The following EPHB1 variants were observed in gnomAD, a reference collection of about 807,000 sequenced individuals.
The protein encoded by EPHB1 is EPH receptor B1.
EPHB1 carries 30 observed loss-of-function variants against 94.4 expected under a neutral mutation model. That is an observed-to-expected ratio of 0.32 (90% CI 0.24 to 0.43). The LOEUF (loss-of-function observed/expected upper bound fraction) is 0.43. Among genes scored for constraint, EPHB1 ranks in the 20% least tolerant of loss-of-function variants. EPHB1 has a pLI of 1.00. For synonymous variants in EPHB1, 522 were observed against 489.1 expected, an observed-to-expected ratio of 1.07 and a Z score of -0.89; for missense variants, 1,055 against 1,308.3, an observed-to-expected ratio of 0.81 and a Z score of 2.99.
rs188301034 is a variant in EPHB1 at position 134,917,452 on chromosome 3, T to C, written c.59-8364T>C. 4.0e-3 allele frequency among the ~76,000 whole-genome samples: 605 copies of C among 152,346 alleles called. 4 individuals are homozygous for C. Among genetic ancestry groups the C allele is most frequent in the African/African-American group, 0.014 (585 of 41,574 alleles). On this transcript the variant is annotated intron_variant, in intron 1 of 15. Transcript: ENST00000398015. ...GGCCTTCCCACTTTTTCATGGGCTA[T>C]GCCACGTGTGAACCAAGACCTAATC...
chr3:134,986,629 G>T (rs1456171148), intron 3 of EPHB1, among the ~76,000 whole-genome samples: 1 of 151,876 alleles, frequency 6.6e-6, no homozygotes. Flanking sequence ...CCTTAGTCTA[G>T]CCTGTGTTCT....
At chr3:135,066,695 A>G (rs1046693942) in intron 3 of EPHB1, among the ~76,000 whole-genome samples, 1 of 152,048 alleles carries the variant, frequency 6.6e-6, no homozygotes, top group African/African-American at 2.4e-5. Flanking sequence ...ATTCTTTTTC[A>G]GGTAAATCAG....
intron 3 of EPHB1, among the ~76,000 whole-genome samples, chr3:135,012,469 A>T (rs568296896): frequency 6.6e-6 from 1 of 152,374 alleles, no homozygotes; most frequent in South Asian, 2.1e-4. Flanking sequence ...TGGAATGTTC[A>T]TGAAGGTGTG....
chr3:134,867,012 T>C (rs1409483232), intron 1 of EPHB1, among the ~76,000 whole-genome samples: 2 of 152,180 alleles, frequency 1.3e-5, no homozygotes, highest in Non-Finnish European at 2.9e-5. Context: ...GCCCATCGTG[T>C]CACTAGATAC....
At chr3:135,251,871 G>A (rs1444370341) in intron 15 of EPHB1, among the ~76,000 whole-genome samples, 3 of 152,182 alleles carry the variant, frequency 2.0e-5, no homozygotes, top group African/African-American at 7.2e-5. Context: ...AATACAGTCA[G>A]GACCTTGGAA....
intron 1 of EPHB1, chr3:134,823,810 A>T (rs1457764693): frequency 6.6e-6 from 1 of 152,256 alleles, no homozygotes; most frequent in African/African-American, 2.4e-5. Flanking sequence ...GAAGTCTATG[A>T]TAGCATCAGT....
chr3:135,114,185 A>C (rs905028444), intron 4 of EPHB1, among the ~76,000 whole-genome samples: 7 of 152,194 alleles, frequency 4.6e-5, no homozygotes, highest in Non-Finnish European at 7.3e-5. Flanking sequence ...TTTCACGTAC[A>C]GATCATTTTA....
chr3:135,155,787 C>CAAAAAA (rs35095229), intron 6 of EPHB1, among the ~76,000 whole-genome samples: 3 of 59,470 alleles, frequency 5.0e-5, no homozygotes, highest in African/African-American at 6.3e-5. Context: ...AAGACTTTGT[C>CAAAAAA]AAAAAAAAAA....
rs1290844616 is a variant in EPHB1 at position 135,260,152 on chromosome 3, A to T, written c.*1032A>T. ...TACTGACTGATTAATTATTCCTGAT[A>T]ACATCTCAAGAAAAGGAGAAGGAAA... On this transcript the variant is annotated 3_prime_UTR_variant, in exon 16 of 16. Transcript: ENST00000398015. 4 of 233,112 alleles carry T rather than the reference A, an allele frequency of 1.7e-5. No homozygotes were observed. The highest frequency in any genetic ancestry group is 6.6e-5 in the African/African-American group (3 of 45,332). The allele number at this position is 233,112 out of a possible 1,614,324, so 14.4% of individuals were successfully genotyped here.
chr3:135,099,736 T>A (rs979625280), intron 3 of EPHB1, among the ~76,000 whole-genome samples: 3 of 152,230 alleles, frequency 2.0e-5, no homozygotes, highest in Non-Finnish European at 4.4e-5. Context: ...TATGCAGAGC[T>A]GTTTGCATGA....
intron 6 of EPHB1, among the ~76,000 whole-genome samples, chr3:135,159,781 A>T (rs922302163): frequency 1.3e-5 from 2 of 152,192 alleles, no homozygotes; most frequent in Admixed American, 6.5e-5. Flanking sequence ...TGTGTGTTTG[A>T]GCTGACCTGG....
Position 135,053,666 on chromosome 3 carries a change from G to A in EPHB1, c.806-52782G>A, listed in dbSNP as rs546538759. On this transcript the variant is annotated intron_variant, in intron 3 of 15. Coordinates refer to ENST00000398015, the MANE Select transcript of EPHB1 (RefSeq NM_004441.5). ...TGTTGATGAAAATATAGTGGCAAGT[G>A]AAGAGATGCTATATGAAGATGGTCA... 3.9e-5 allele frequency among the ~76,000 whole-genome samples: 6 copies of A among 152,296 alleles called. No individual in the cohort carries two copies. In the South Asian group the frequency reaches 1.0e-3, roughly 26 times the overall value.
At chr3:135,240,956 T>C (rs1943768286) in intron 12 of EPHB1, among the ~76,000 whole-genome samples, 192 bp from the exon 13 acceptor site, 1 of 152,026 alleles carries the variant, frequency 6.6e-6, no homozygotes, top group Admixed American at 6.5e-5. Flanking sequence ...AGCACAGGCA[T>C]GCTGGTCACC....
At chr3:134,959,423 G>A (rs1933416271) in intron 3 of EPHB1, among the ~76,000 whole-genome samples, 1 of 152,162 alleles carries the variant, frequency 6.6e-6, no homozygotes, top group African/African-American at 2.4e-5. Context: ...ACTGGCTTTT[G>A]CTAAAAATAA....
intron 4 of EPHB1, among the ~76,000 whole-genome samples, chr3:135,126,508 A>T (rs568806603): frequency 1.5e-4 from 23 of 152,320 alleles, no homozygotes; most frequent in Non-Finnish European, 2.2e-4. Context: ...AGATACAGGT[A>T]CAGACAGAAG....
chr3:135,169,984 G>A (rs781099941), intron 9 of EPHB1, among the ~76,000 whole-genome samples: 2 of 152,216 alleles, frequency 1.3e-5, no homozygotes, highest in Admixed American at 1.3e-4. Context: ...GATTGATAAT[G>A]TCTGATCCGA....
chr3:135,233,139 G>A lies in EPHB1; in HGVS notation c.2347-8009G>A, dbSNP rs138880341. Among the ~76,000 whole-genome samples, 21 of 152,244 alleles carry A rather than the reference G, an allele frequency of 1.4e-4. No homozygotes were observed. In the East Asian group the frequency reaches 2.1e-3, roughly 15 times the overall value. ...CGGCAGTCCCCCAAAATCTTAACTC[G>A]TTCCAGCATTAACCCAAAAATCCAA... On this transcript the variant is annotated intron_variant, in intron 12 of 15. Coordinates refer to ENST00000398015, the MANE Select transcript of EPHB1 (RefSeq NM_004441.5).
chr3:134,952,166 A>T, intron 3 of EPHB1, 114 bp downstream of exon 3: 2 of 1,167,208 alleles, frequency 1.7e-6, no homozygotes, highest in East Asian at 4.7e-5. Flanking sequence ...ATGGCTTATT[A>T]TAAAGCTCTG....
intron 1 of EPHB1, among the ~76,000 whole-genome samples, chr3:134,874,350 C>T (rs1474014187): frequency 2.6e-5 from 4 of 151,950 alleles, no homozygotes; most frequent in Non-Finnish European, 1.5e-5. Flanking sequence ...GTAAAACAAA[C>T]ACCGGGGCCT....
Sources: allele counts gnomAD v4.1 joint callset (sites outside exome capture counted in the v4.1 genomes callset), GRCh38; gene constraint gnomAD v4.1.1; transcripts MANE v1.5; gene names NCBI Gene and HGNC (gene_info 2026-07-23, HGNC 2026-07-21).